Variants in FNDC1 observed in about 807,000 individuals in gnomAD.
The protein encoded by FNDC1 is fibronectin type III domain containing 1, also known as fibronectin type III domain-containing protein 1.
FNDC1 carries 96 observed loss-of-function variants against 168.0 expected under a neutral mutation model. That is an observed-to-expected ratio of 0.57 (90% CI 0.48 to 0.68). The LOEUF is 0.68. FNDC1 is among the 30% of genes least tolerant of loss of function. The probability of loss-of-function intolerance (pLI) is 0.00; values close to 1 mark genes in which losing one functional copy is unlikely to be tolerated. For missense variants in FNDC1, 2,587 were observed against 2,482.1 expected (o/e 1.04, Z -0.90); for synonymous variants, 1,099 against 1,025.9 (o/e 1.07, Z -1.36).
chr6:159,197,390 T>A, intron 1 of FNDC1, 41 bp from the exon 2 acceptor site: 1 of 1,542,584 alleles, frequency 6.5e-7, no homozygotes, highest in Non-Finnish European at 8.7e-7. Context: ...GTTTTCCCAA[T>A]CTGTTATTGC....
At chr6:159,185,940 T>C (rs983989444) in intron 1 of FNDC1, among the ~76,000 whole-genome samples, 1 of 152,222 alleles carries the variant, frequency 6.6e-6, no homozygotes, top group Non-Finnish European at 1.5e-5. Flanking sequence ...TTTAATGCAA[T>C]CTGTCAGACG....
intron 15 of FNDC1, among the ~76,000 whole-genome samples, chr6:159,248,065 C>T (rs946985964): frequency 2.2e-4 from 33 of 152,092 alleles, no homozygotes; most frequent in African/African-American, 5.8e-4. Flanking sequence ...TAATAAAGCT[C>T]GATGTAGTGG....
chr6:159,170,263 G>A (rs939033925), intron 1 of FNDC1, among the ~76,000 whole-genome samples: 1 of 152,200 alleles, frequency 6.6e-6, no homozygotes, highest in Non-Finnish European at 1.5e-5. Context: ...CAGGCGGCAG[G>A]AGGCCCGCGC....
At position 159,232,514 on chromosome 6, in the gene FNDC1, C is replaced by A. The variant is rs765160651; in HGVS notation, c.2002C>A (p.Pro668Thr). 1.2e-6 allele frequency: 2 copies of A among 1,611,986 alleles called. No individual in the cohort carries two copies. The highest frequency in any genetic ancestry group is 2.7e-5 in the African/African-American group (2 of 74,910). Residue 668 changes from proline to threonine, a missense_variant, in exon 11 of 23, where the codon CCA becomes ACA. By Grantham distance (38) the Pro-to-Thr change is conservative. Coordinates refer to ENST00000297267, the MANE Select transcript of FNDC1 (RefSeq NM_032532.3). This position sits in a 1 kb window ranked among gnomAD's most constrained non-coding sequence, Gnocchi z 4.9. The stretch of plus-strand genomic sequence containing the variant: ...CAAGGGCGCCTTCGCCCAGCCCCGG[C>A]CAGCCCTGTCCCCCAGCCGCCAGTC... ...HPKGAFAQPR[P>T]ALSPSRQSPS...
At chr6:159,260,349 T>C (rs573879179) in intron 18 of FNDC1, among the ~76,000 whole-genome samples, 1 of 152,248 alleles carries the variant, frequency 6.6e-6, no homozygotes, top group African/African-American at 2.4e-5. Flanking sequence ...CTTGTAAGAA[T>C]GCAAATAACA....
chr6:159,270,096 G>A (rs904297587), intron 22 of FNDC1, among the ~76,000 whole-genome samples: 3 of 152,102 alleles, frequency 2.0e-5, no homozygotes, highest in African/African-American at 7.2e-5. Context: ...AGGCTGAGAT[G>A]GGAGGACTGC....
intron 4 of FNDC1, among the ~76,000 whole-genome samples, chr6:159,205,587 A>T (rs1437452421): frequency 6.6e-6 from 1 of 152,198 alleles, no homozygotes; most frequent in Admixed American, 6.5e-5. Context: ...CAAATACCAG[A>T]TTTCTCAGCT....
At chr6:159,178,246 G>A (rs1033099826) in intron 1 of FNDC1, among the ~76,000 whole-genome samples, 4 of 152,138 alleles carry the variant, frequency 2.6e-5, no homozygotes, top group Admixed American at 2.6e-4. Context: ...ATGAACTCAA[G>A]ACAATTGCTA....
intron 18 of FNDC1, among the ~76,000 whole-genome samples, chr6:159,259,404 AT>A (rs1456086768): frequency 6.6e-6 from 1 of 152,150 alleles, no homozygotes; most frequent in Non-Finnish European, 1.5e-5. Flanking sequence ...TTTGGAGAAT[AT>A]TTAGGCTTTA....
chr6:159,221,410 T>C (rs1282261340), intron 5 of FNDC1, among the ~76,000 whole-genome samples, 188 bp from the exon 6 acceptor site: 2 of 152,258 alleles, frequency 1.3e-5, no homozygotes, highest in Non-Finnish European at 2.9e-5. Context: ...AGTGTTCTTT[T>C]TGAGTTTAAT....
intron 1 of FNDC1, among the ~76,000 whole-genome samples, chr6:159,174,791 C>A (rs1234366155): frequency 6.6e-6 from 1 of 152,186 alleles, no homozygotes; most frequent in Non-Finnish European, 1.5e-5. Context: ...CCTCTGCAGG[C>A]CTCCACCAAA....
At chr6:159,225,864 G>T in intron 8 of FNDC1, 142 bp downstream of exon 8, 1 of 709,300 alleles carries the variant, frequency 1.4e-6, no homozygotes, top group South Asian at 2.1e-5. Context: ...TTTTGGTAGA[G>T]TTTCTATGCG....
intron 1 of FNDC1, among the ~76,000 whole-genome samples, chr6:159,181,709 CT>C (rs1303138913): frequency 6.6e-6 from 1 of 152,178 alleles, no homozygotes; most frequent in Non-Finnish European, 1.5e-5. Flanking sequence ...TTGACTCAAT[CT>C]GAAACTCAAA....
Position 159,197,444 on chromosome 6 carries a change from G to T in FNDC1, c.123G>T (p.Leu41=). 6.2e-7 allele frequency: 1 copy of T among 1,612,406 alleles called. No homozygotes were observed. Residue 41 remains leucine (L), a synonymous_variant, in exon 2 of 23, where the codon CTG becomes CTT. Transcript: ENST00000297267. The part of the protein sequence containing the change: ...SSAAASVDHP[L]KPRHVKLLST... ...CTGTTTACATAGTTGACCACCCACT[G>T]AAGCCAAGGCATGTGAAACTGCTGT... is the stretch of plus-strand genomic sequence containing the variant.
chr6:159,268,632 A>G (rs1011400302), intron 22 of FNDC1, among the ~76,000 whole-genome samples: 1 of 151,926 alleles, frequency 6.6e-6, no homozygotes, highest in Admixed American at 6.6e-5. Context: ...TCAACTACCT[A>G]TCTATCCATC....
At chr6:159,230,634 C>T (rs1034442782) in intron 10 of FNDC1, among the ~76,000 whole-genome samples, 5 of 152,182 alleles carry the variant, frequency 3.3e-5, no homozygotes, top group African/African-American at 1.2e-4. Context: ...CTTACCTGAT[C>T]GATATCCAAA....
rs1321448905 is a variant in FNDC1 at position 159,233,865 on chromosome 6, G to A, written c.3353G>A (p.Gly1118Asp). 5.2e-6 allele frequency: 8 copies of A among 1,547,046 alleles called. No individual in the cohort carries two copies. Among genetic ancestry groups the A allele is most frequent in the Non-Finnish European group, 7.0e-6 (8 of 1,145,294 alleles). ...CACCAGCAGGTGGAGTCTCCCACAG[G>A]CGCAGGGGCAGGTGGCGACCACAGG... ...PKHQQVESPT[G>D]AGAGGDHRSQ... The change falls in exon 11 of 23, where the codon GGC (glycine) becomes GAC (aspartate). Residue 1118 changes from glycine to aspartate, a missense_variant. Gly to Asp is a moderately conservative substitution (Grantham distance 94). Coordinates refer to ENST00000297267, the MANE Select transcript of FNDC1 (RefSeq NM_032532.3). This position sits in a 1 kb window ranked among gnomAD's most constrained non-coding sequence, Gnocchi z 4.6.
Position 159,225,607 on chromosome 6 carries a change from T to C in FNDC1, c.957T>C (p.Arg319=). 1 of 1,613,982 alleles carries C rather than the reference T, an allele frequency of 6.2e-7. No individual in the cohort carries two copies. Among genetic ancestry groups the C allele is most frequent in the Non-Finnish European group, 8.5e-7 (1 of 1,179,878 alleles). Residue 319 remains arginine (R), a synonymous_variant, in exon 8 of 23, where the codon CGT becomes CGC. Transcript: ENST00000297267. The stretch of plus-strand genomic sequence containing the variant: ...ATTATAAGCAGATCGCTAACAGGCG[T>C]GTGCTGATTGAGAACCTGATTCCAG... ...RWDYKQIANR[R]VLIENLIPDT...
In FNDC1 at chr6:159,231,934, AC is replaced by A; in HGVS notation, c.1424del (p.Pro475LeufsTer35). On this transcript the variant is annotated frameshift_variant, in exon 11 of 23. Coordinates refer to ENST00000297267, the MANE Select transcript of FNDC1 (RefSeq NM_032532.3). LOFTEE classifies it high-confidence loss of function. ...CGGAGGACAATGGGAAACCCGAAAA[AC>A]CTGAGCCTTCCTCACCTTCTCCCAG... Reference protein sequence around the residue: ...NTEDNGKPEKPEPSSPSPRAP... With the variant: ...NTEDNGKPEKXEPSSPSPRAP... 1 of 1,613,442 alleles carries A rather than the reference AC, an allele frequency of 6.2e-7. No individual in the cohort carries two copies. Among genetic ancestry groups the A allele is most frequent in the Non-Finnish European group, 8.5e-7 (1 of 1,179,772 alleles).
Sources: allele counts gnomAD v4.1 joint callset (sites outside exome capture counted in the v4.1 genomes callset), GRCh38; gene constraint gnomAD v4.1.1; non-coding constraint Gnocchi (gnomAD v3.1); transcripts MANE v1.5; gene names NCBI Gene and HGNC (gene_info 2026-07-23, HGNC 2026-07-21).